FAM193A: variants seen among roughly 807,000 people sequenced by gnomAD.
FAM193A encodes the protein family with sequence similarity 193 member A.
FAM193A carries 22 observed loss-of-function variants against 126.5 expected under a neutral mutation model. That is an observed-to-expected ratio of 0.17 (90% CI 0.12 to 0.25). The LOEUF is 0.25. Among genes scored for constraint, FAM193A ranks in the 10% least tolerant of loss-of-function variants. FAM193A has a pLI of 1.00. For synonymous variants in FAM193A, 761 were observed against 646.8 expected, an observed-to-expected ratio of 1.18 and a Z score of -2.68; for missense variants, 1,675 against 1,672.8, an observed-to-expected ratio of 1.00 and a Z score of -0.02.
At chr4:2,554,713 C>T (rs1240024099) in intron 1 of FAM193A, among the ~76,000 whole-genome samples, 1 of 151,990 alleles carries the variant, frequency 6.6e-6, no homozygotes, top group Non-Finnish European at 1.5e-5. Context: ...TTCACTTTTC[C>T]TTACAGTTTA....
intron 19 of FAM193A, among the ~76,000 whole-genome samples, chr4:2,711,131 C>T (rs1342901660): frequency 7.2e-5 from 11 of 152,102 alleles, no homozygotes; most frequent in Non-Finnish European, 1.0e-4. Flanking sequence ...GGATTACAGG[C>T]GTGAGCCACC....
intron 1 of FAM193A, among the ~76,000 whole-genome samples, chr4:2,578,009 A>G (rs746193117): frequency 6.6e-6 from 1 of 152,188 alleles, no homozygotes; most frequent in Non-Finnish European, 1.5e-5. Flanking sequence ...GAATATAATG[A>G]CTATCCCCTA....
chr4:2,728,018 G>A (rs1055060429), intron 20 of FAM193A, among the ~76,000 whole-genome samples: 5 of 151,596 alleles, frequency 3.3e-5, no homozygotes, highest in Non-Finnish European at 7.4e-5. Context: ...CGCAACCTCC[G>A]CCTGCCGGGT....
chr4:2,535,491 C>G (rs1481310759), upstream of FAM193A, among the ~76,000 whole-genome samples: 1 of 152,044 alleles, frequency 6.6e-6, no homozygotes. Flanking sequence ...CCGGTGGAAC[C>G]AAAAAGGGGA....
At chr4:2,627,214 C>G (rs945383655) in intron 4 of FAM193A, among the ~76,000 whole-genome samples, 3 of 136,594 alleles carry the variant, frequency 2.2e-5, no homozygotes, top group Non-Finnish European at 4.6e-5. Flanking sequence ...AGGCTGTAGT[C>G]CAATGGCGTG....
rs75977227 is a variant in FAM193A at position 2,674,074 on chromosome 4, A to T, written c.2331+1702A>T. 4.4e-3 allele frequency among the ~76,000 whole-genome samples: 675 copies of T among 152,356 alleles called. 3 individuals carry two copies. Among genetic ancestry groups the T allele is most frequent in the Non-Finnish European group, 7.9e-3 (535 of 68,036 alleles). On this transcript the variant is annotated intron_variant, in intron 13 of 20. Coordinates refer to ENST00000637812, the MANE Select transcript of FAM193A (RefSeq NM_001366318.2). ...TAGAAACTTAGAAATTTATAACTAAACGTTATTTCTACCACTTCAGCAAAC... is the reference window on the plus strand; with the variant it reads ...TAGAAACTTAGAAATTTATAACTAATCGTTATTTCTACCACTTCAGCAAAC...
chr4:2,575,259 G>A (rs1577027281), intron 1 of FAM193A, among the ~76,000 whole-genome samples: 1 of 152,308 alleles, frequency 6.6e-6, no homozygotes, highest in South Asian at 2.1e-4. Context: ...GGCCGTGGCA[G>A]CATGTGCAAA....
chr4:2,692,299 A>G (rs1716488022), intron 15 of FAM193A, among the ~76,000 whole-genome samples: 1 of 152,188 alleles, frequency 6.6e-6, no homozygotes, highest in Admixed American at 6.5e-5. Flanking sequence ...CTCTCGTGAG[A>G]ACTCACTCAC....
intron 12 of FAM193A, among the ~76,000 whole-genome samples, chr4:2,668,242 C>T (rs1280904258): frequency 6.8e-6 from 1 of 147,854 alleles, no homozygotes. Flanking sequence ...GATACAGAGT[C>T]TCGCTCTGTC....
chr4:2,536,172 GGGGC>G (rs975962575), upstream of FAM193A, among the ~76,000 whole-genome samples: 14 of 151,116 alleles, frequency 9.3e-5, no homozygotes, highest in Non-Finnish European at 1.9e-4. Flanking sequence ...CGAGGCGGGC[GGGGC>G]GGGCGGGCAG....
intron 19 of FAM193A, among the ~76,000 whole-genome samples, chr4:2,707,208 A>T (rs1718410833): frequency 6.6e-6 from 1 of 152,112 alleles, no homozygotes; most frequent in Non-Finnish European, 1.5e-5. Context: ...TGTCTTTATG[A>T]TATTGATCAT....
intron 5 of FAM193A, among the ~76,000 whole-genome samples, chr4:2,635,784 C>T (rs972477293): frequency 1.2e-4 from 19 of 152,128 alleles, no homozygotes; most frequent in African/African-American, 3.9e-4. Context: ...GTGATCTGCC[C>T]GCCTCGGCCT....
rs148955937 is a variant in FAM193A, at chr4:2,558,758, C to T, written c.255+21588C>T. On this transcript the variant is annotated intron_variant, in intron 1 of 20. Transcript: ENST00000637812. The stretch of plus-strand genomic sequence containing the variant: ...GCTCACGCCTGTAATCCCAGCACTT[C>T]GTGAGGCCGAGGTGGACAGATCACT... Among the ~76,000 whole-genome samples, 1,369 of 152,236 alleles carry T rather than the reference C, an allele frequency of 9.0e-3. 22 individuals carry two copies. Among genetic ancestry groups the T allele is most frequent in the African/African-American group, 0.03 (1,264 of 41,536 alleles).
chr4:2,659,513 G>T (rs202021564), intron 8 of FAM193A, 45 bp from the exon 9 acceptor site: 2 of 1,319,954 alleles, frequency 1.5e-6, no homozygotes, highest in Admixed American at 3.5e-5. Context: ...GCCATGTCTC[G>T]GGGAAGGGTC....
chr4:2,660,083 C>T (rs763126217), intron 10 of FAM193A, 29 bp downstream of exon 10: 16 of 1,607,766 alleles, frequency 1.0e-5, no homozygotes, highest in Middle Eastern at 1.7e-4. Flanking sequence ...ATAAAGTTTC[C>T]GAAATTTAAG....
intron 19 of FAM193A, among the ~76,000 whole-genome samples, chr4:2,712,298 T>G (rs1326675711): frequency 1.3e-5 from 2 of 152,224 alleles, no homozygotes; most frequent in Non-Finnish European, 2.9e-5. Context: ...TATCCTTATT[T>G]TGTGTCCTCA....
chr4:2,660,087 AT>A lies in FAM193A; in HGVS notation c.1745+36del, dbSNP rs546877490. On this transcript the variant is annotated intron_variant, in intron 10 of 20. Transcript: ENST00000637812. The stretch of plus-strand genomic sequence containing the variant: ...GTGACTTTGTAATAAAGTTTCCGAA[AT>A]TTAAGTCGCCCCAGTAATGAGAAAT... 2,980 of 1,606,564 alleles carry A rather than the reference AT, an allele frequency of 1.9e-3. 2 individuals are homozygous for A. Among genetic ancestry groups the A allele is most frequent in the Non-Finnish European group, 2.3e-3 (2,693 of 1,174,774 alleles).
intron 1 of FAM193A, among the ~76,000 whole-genome samples, chr4:2,584,425 CAA>C (rs371307978): frequency 8.2e-5 from 5 of 60,870 alleles, no homozygotes; most frequent in Non-Finnish European, 7.0e-5. Context: ...GATTCCGTCT[CAA>C]AAAAAAAAAA....
At chr4:2,703,351 A>G (rs1403351622) in intron 19 of FAM193A, among the ~76,000 whole-genome samples, 1 of 152,072 alleles carries the variant, frequency 6.6e-6, no homozygotes, top group Non-Finnish European at 1.5e-5. Flanking sequence ...GGTTGAAGCA[A>G]TTCTCCCACC....
Sources: allele counts gnomAD v4.1 joint callset (sites outside exome capture counted in the v4.1 genomes callset), GRCh38; gene constraint gnomAD v4.1.1; transcripts MANE v1.5; gene names NCBI Gene and HGNC (gene_info 2026-07-23, HGNC 2026-07-21).